The following PIP4P2 variants were observed in gnomAD, a reference collection of about 807,000 sequenced individuals.
The protein encoded by PIP4P2 is phosphatidylinositol-4,5-bisphosphate 4-phosphatase 2, also known as type 2 phosphatidylinositol 4,5-bisphosphate 4-phosphatase.
A neutral mutation model predicts 33.3 loss-of-function variants in PIP4P2; 19 were observed. That is an observed-to-expected ratio of 0.57 (90% CI 0.40 to 0.84). The LOEUF (loss-of-function observed/expected upper bound fraction) is 0.84, where lower values mean the gene tolerates loss of function less well. PIP4P2 is among the 40% of genes least tolerant of loss of function. The pLI is 0.00. For missense variants in PIP4P2, 270 were observed against 324.7 expected (o/e 0.83, Z 1.29); for synonymous variants, 110 against 111.9 (o/e 0.98, Z 0.11).
chr8:90,996,798 T>C, intron 5 of PIP4P2, 54 bp from the exon 6 acceptor site: 1 of 1,444,428 alleles, frequency 6.9e-7, no homozygotes, highest in African/African-American at 1.4e-5. Context: ...AAAAATTCTC[T>C]ATTTCATTTT....
chr8:91,020,109 G>C (rs1429483738), intron 3 of PIP4P2, 48 bp downstream of exon 3: 6 of 1,583,302 alleles, frequency 3.8e-6, no homozygotes, highest in African/African-American at 1.3e-5. Flanking sequence ...GTAAATACTT[G>C]TTGAATGAAC....
At chr8:91,023,269 G>A (rs1454908047) in intron 1 of PIP4P2, among the ~76,000 whole-genome samples, 2 of 151,646 alleles carry the variant, frequency 1.3e-5, no homozygotes, top group African/African-American at 4.8e-5. Flanking sequence ...GAGTTGTACA[G>A]TAACATTACA....
Position 90,998,788 on chromosome 8 carries a change from T to C in PIP4P2, c.540-2044A>G, listed in dbSNP as rs189130940. ...TCAAGATGGATTAAAGACTTAAATG[T>C]AAACTATAACATTTATAGTTATATA... On this transcript the variant is annotated intron_variant, in intron 5 of 6. Transcript: ENST00000285419. Among the ~76,000 whole-genome samples the C allele has an allele frequency of 3.9e-5, 6 of 152,202 alleles. No homozygotes were observed. The East Asian group carries it at 7.7e-4, about 20-fold the overall frequency.
At position 91,040,827 on chromosome 8, in the gene PIP4P2, T is replaced by TCTGCTGCCG. The variant is rs1275741239; in HGVS notation, c.-87_-79dup. On this transcript the variant is annotated 5_prime_UTR_variant, in exon 1 of 7. Transcript: ENST00000285419. ...CGGAGTGGTGGCTACTGCTGCTGCC[T>TCTGCTGCCG]CTGCTGCCGCTGCTGCCGCTGCAGC... 8.3e-5 allele frequency: 111 copies of TCTGCTGCCG among 1,332,640 alleles called. 2 individuals carry two copies. In the Admixed American group the frequency reaches 1.0e-3, roughly 12 times the overall value. The allele number at this position is 1,332,640 out of a possible 1,614,324, so 82.6% of individuals were successfully genotyped here.
At chr8:91,000,766 A>T (rs1270301843) in intron 5 of PIP4P2, among the ~76,000 whole-genome samples, 1 of 152,002 alleles carries the variant, frequency 6.6e-6, no homozygotes, top group African/African-American at 2.4e-5. Context: ...TTTTGAATAT[A>T]AAAATTCATA....
intron 2 of PIP4P2, 146 bp from the exon 3 acceptor site, chr8:91,020,409 T>C: frequency 1.3e-6 from 1 of 760,604 alleles, no homozygotes; most frequent in South Asian, 1.7e-5. Context: ...ATGATTTTTC[T>C]ATAAAACATA....
chr8:91,032,589 T>C, intron 1 of PIP4P2, among the ~76,000 whole-genome samples: 1 of 152,030 alleles, frequency 6.6e-6, no homozygotes, highest in East Asian at 1.9e-4. Context: ...GAGACCAGCC[T>C]GGCCAACATG....
At chr8:91,014,062 G>A (rs1811875809) in intron 4 of PIP4P2, among the ~76,000 whole-genome samples, 1 of 152,048 alleles carries the variant, frequency 6.6e-6, no homozygotes, top group Non-Finnish European at 1.5e-5. Flanking sequence ...ATTGAATTTT[G>A]AAATGTATAA....
At chr8:91,011,670 A>G (rs1273912497) in intron 4 of PIP4P2, among the ~76,000 whole-genome samples, 1 of 152,052 alleles carries the variant, frequency 6.6e-6, no homozygotes, top group African/African-American at 2.4e-5. Context: ...TTATTAACCT[A>G]TAAAATAAAT....
intron 4 of PIP4P2, chr8:91,016,607 A>T (rs1026686868): frequency 6.6e-6 from 1 of 152,196 alleles, no homozygotes; most frequent in East Asian, 1.9e-4. Flanking sequence ...AAAACCACTT[A>T]AGAGAAAAAG....
At chr8:91,009,937 A>G (rs1197823957) in intron 4 of PIP4P2, among the ~76,000 whole-genome samples, 3 of 151,922 alleles carry the variant, frequency 2.0e-5, no homozygotes, top group Non-Finnish European at 4.4e-5. Flanking sequence ...AAAACTTTAC[A>G]TGAATGTTCA....
chr8:91,008,178 A>C (rs1811787447), intron 5 of PIP4P2, among the ~76,000 whole-genome samples: 1 of 151,884 alleles, frequency 6.6e-6, no homozygotes, highest in South Asian at 2.1e-4. Flanking sequence ...GACCCCCAAC[A>C]CAGATGCTAT....
intron 1 of PIP4P2, among the ~76,000 whole-genome samples, chr8:91,031,603 T>G (rs896486051): frequency 1.3e-5 from 2 of 152,340 alleles, no homozygotes; most frequent in African/African-American, 4.8e-5. Flanking sequence ...CCTTTAGAAG[T>G]AAATGCTTAG....
At chr8:91,026,751 T>C (rs941302675) in intron 1 of PIP4P2, among the ~76,000 whole-genome samples, 7 of 152,170 alleles carry the variant, frequency 4.6e-5, no homozygotes, top group Non-Finnish European at 8.8e-5. Context: ...AAAGATGGAA[T>C]TGGAGAAGTG....
At chr8:91,002,112 T>C (rs1234619015) in intron 5 of PIP4P2, among the ~76,000 whole-genome samples, 1 of 152,094 alleles carries the variant, frequency 6.6e-6, no homozygotes, top group Non-Finnish European at 1.5e-5. Flanking sequence ...CTAACCCCGC[T>C]ACCTTGTGTG....
At chr8:91,018,189 T>C (rs1436742489) in intron 4 of PIP4P2, among the ~76,000 whole-genome samples, 2 of 152,194 alleles carry the variant, frequency 1.3e-5, no homozygotes, top group African/African-American at 2.4e-5. Flanking sequence ...ACTGGACTTA[T>C]CAGAGGACGT....
At chr8:91,008,908 C>T (rs1288876709) in intron 4 of PIP4P2, 113 bp from the exon 5 acceptor site, 4 of 811,162 alleles carry the variant, frequency 4.9e-6, no homozygotes, top group South Asian at 2.2e-5. Context: ...GAAGCAATCA[C>T]CTTCTCACGG....
chr8:91,034,813 C>T (rs1812215144), intron 1 of PIP4P2, among the ~76,000 whole-genome samples: 2 of 152,204 alleles, frequency 1.3e-5, no homozygotes, highest in Non-Finnish European at 2.9e-5. Context: ...CACAGACAAC[C>T]TTATACTCTG....
In PIP4P2 at chr8:91,020,231, A is replaced by G; in HGVS notation, c.288T>C (p.Tyr96=). The G allele has an allele frequency of 6.2e-7, 1 of 1,613,800 alleles. No homozygotes were observed. The highest frequency in any genetic ancestry group is 8.5e-7 in the Non-Finnish European group (1 of 1,179,802). Residue 96 remains tyrosine, a synonymous_variant, in exon 3 of 7, where the codon TAT becomes TAC. Coordinates refer to ENST00000285419, the MANE Select transcript of PIP4P2 (RefSeq NM_018710.3). ...PIKNPPTGKK[Y]VRCPCNCLLI... Reference sequence around the variant, plus strand: ...GAAGACAATTACAAGGGCATCTAACATATTTCTTGCCTGTTGGGGGGTTTT... The same window carrying G: ...GAAGACAATTACAAGGGCATCTAACGTATTTCTTGCCTGTTGGGGGGTTTT...
Sources: gnomAD v4.1 joint callset for allele counts (sites outside exome capture counted in the v4.1 genomes callset) on GRCh38, gnomAD v4.1.1 for gene constraint, MANE v1.5 for transcripts, NCBI Gene and HGNC (gene_info 2026-07-23, HGNC 2026-07-21) for gene names.